The following MAPKAPK5 variants were observed in gnomAD, a reference collection of about 807,000 sequenced individuals.
MAPKAPK5 encodes the protein MAP kinase-activated protein kinase 5.
In MAPKAPK5, 30 loss-of-function variants were observed where a neutral mutation model predicts 65.1. The observed-to-expected ratio is 0.46, with a 90% CI of 0.34 to 0.63. The LOEUF (loss-of-function observed/expected upper bound fraction) is 0.63, where lower values mean the gene tolerates loss of function less well. Ranked by LOEUF, MAPKAPK5 falls within the 20% of genes least tolerant of loss-of-function variation. MAPKAPK5 has a pLI of 0.01. For synonymous variants in MAPKAPK5, 179 were observed against 204.6 expected, an observed-to-expected ratio of 0.87 and a Z score of 1.07; for missense variants, 433 against 581.4, an observed-to-expected ratio of 0.74 and a Z score of 2.63.
rs1294087400 is a variant in MAPKAPK5, at chr12:111,883,466, G to C, written c.661-115G>C. The C allele has an allele frequency of 1.3e-6, 1 of 782,874 alleles. No individual in the cohort carries two copies. Among genetic ancestry groups the C allele is most frequent in the Non-Finnish European group, 2.1e-6 (1 of 480,540 alleles). The allele number at this position is 782,874 out of a possible 1,614,324, so 48.5% of individuals were successfully genotyped here. A position where few individuals can be genotyped will look rare whatever the true frequency, so the allele number is the denominator to read the frequency against. ...TCAGCTTTCCTAGTCTCTGTTAAGTGACTCTAGTTTATATCAGCCTATATA... is the reference window on the plus strand; with the variant it reads ...TCAGCTTTCCTAGTCTCTGTTAAGTCACTCTAGTTTATATCAGCCTATATA... On this transcript the variant is annotated intron_variant, in intron 8 of 13. Coordinates refer to ENST00000550735, the MANE Select transcript of MAPKAPK5 (RefSeq NM_003668.4). This position sits in a 1 kb window ranked among gnomAD's most constrained non-coding sequence, Gnocchi z 4.8.
chr12:111,842,870 G>T, intron 1 of MAPKAPK5, 101 bp downstream of exon 1: 1 of 1,156,494 alleles, frequency 8.6e-7, no homozygotes, highest in South Asian at 4.4e-5. Context: ...AGGTTCCATC[G>T]ACTACCGGGT....
intron 7 of MAPKAPK5, among the ~76,000 whole-genome samples, chr12:111,876,498 G>A (rs912391884): frequency 2.0e-5 from 3 of 151,852 alleles, no homozygotes; most frequent in Non-Finnish European, 4.4e-5. Context: ...ATTTGATTAT[G>A]TATGCATTCT....
rs2070311772 is a variant in MAPKAPK5, at chr12:111,883,670, C to T, written c.750C>T (p.Ile250=). 2 of 1,613,958 alleles carry T rather than the reference C, an allele frequency of 1.2e-6. No individual in the cohort carries two copies. Among genetic ancestry groups the T allele is most frequent in the Non-Finnish European group, 1.7e-6 (2 of 1,179,892 alleles). ...ACTCCAAACACCACAGCCGGACTATCCCAAAGGATATGCGAAGAAAGATCA... is the reference window on the plus strand; with the variant it reads ...ACTCCAAACACCACAGCCGGACTATTCCAAAGGATATGCGAAGAAAGATCA... The part of the protein sequence containing the change: ...PFYSKHHSRT[I]PKDMRRKIMT... The change falls in exon 9 of 14, where the codon ATC becomes ATT. Residue 250 remains isoleucine, a synonymous_variant. Transcript: ENST00000550735. The surrounding 1 kb of genome is among the most constrained non-coding windows in gnomAD (Gnocchi z 4.8).
intron 1 of MAPKAPK5, among the ~76,000 whole-genome samples, chr12:111,850,227 C>A (rs1005759407): frequency 2.0e-5 from 3 of 152,082 alleles, no homozygotes; most frequent in Non-Finnish European, 4.4e-5. Flanking sequence ...CGGGGTTTCA[C>A]CATGTTGGCC....
rs369386552 is a variant in MAPKAPK5, at chr12:111,900,718, G to A, written c.*7657G>A. On this transcript the variant is annotated 3_prime_UTR_variant, in exon 14 of 14. Transcript: ENST00000550735. The stretch of plus-strand genomic sequence containing the variant: ...TGTTGTCATAAGTGTAAATTTCACC[G>A]TAAGGGATATCCTTGCTGTCCTTCT... 25 of 455,974 alleles carry A rather than the reference G, an allele frequency of 5.5e-5. No individual in the cohort carries two copies. Among genetic ancestry groups the A allele is most frequent in the South Asian group, 1.2e-4 (8 of 64,568 alleles). The allele number at this position is 455,974 out of a possible 1,614,324, so 28.2% of individuals were successfully genotyped here. A position where few individuals can be genotyped will look rare whatever the true frequency, so the allele number is the denominator to read the frequency against.
chr12:111,882,776 G>A (rs1566268130), intron 8 of MAPKAPK5: 5 of 984,942 alleles, frequency 5.1e-6, no homozygotes, highest in Non-Finnish European at 4.8e-6. Context: ...TAGACCTTCT[G>A]TTCTTCCCTC....
intron 1 of MAPKAPK5, among the ~76,000 whole-genome samples, chr12:111,850,686 G>A (rs148618571): frequency 1.3e-5 from 2 of 152,266 alleles, no homozygotes; most frequent in African/African-American, 4.8e-5. Flanking sequence ...TGCCACAAAG[G>A]ACATTTATGA....
intron 1 of MAPKAPK5, among the ~76,000 whole-genome samples, chr12:111,858,222 G>C (rs913974348): frequency 2.6e-5 from 4 of 151,914 alleles, no homozygotes; most frequent in Non-Finnish European, 5.9e-5. Context: ...TCAGTGTTTT[G>C]ACTGTGGTAT....
intron 1 of MAPKAPK5, among the ~76,000 whole-genome samples, chr12:111,850,402 T>C (rs1351943452): frequency 1.3e-5 from 2 of 152,166 alleles, no homozygotes; most frequent in Admixed American, 6.5e-5. Flanking sequence ...GGCATAACTA[T>C]AGACTCTAAT....
In MAPKAPK5 at chr12:111,883,378, T is replaced by G. The variant is rs995710442; in HGVS notation, c.661-203T>G. Reference sequence around the variant, plus strand: ...CTGGGCAACAGAGCAAGACTCTGTCTCAAAGAAAAAAAAAGAAAGAAAGAA... The same window carrying G: ...CTGGGCAACAGAGCAAGACTCTGTCGCAAAGAAAAAAAAAGAAAGAAAGAA... On this transcript the variant is annotated intron_variant, in intron 8 of 13. Transcript: ENST00000550735. This position sits in a 1 kb window ranked among gnomAD's most constrained non-coding sequence, Gnocchi z 4.8. Among the ~76,000 whole-genome samples the G allele has an allele frequency of 7.2e-5, 11 of 151,812 alleles. No individual in the cohort carries two copies. The highest frequency in any genetic ancestry group is 2.7e-4 in the African/African-American group (11 of 41,298).
chr12:111,862,367 A>C (rs938406263), intron 1 of MAPKAPK5, among the ~76,000 whole-genome samples: 1 of 152,164 alleles, frequency 6.6e-6, no homozygotes, highest in Non-Finnish European at 1.5e-5. Context: ...TACAAGTTGA[A>C]CTTTCTTGGC....
intron 7 of MAPKAPK5, among the ~76,000 whole-genome samples, chr12:111,872,714 A>G (rs1024396790): frequency 6.6e-6 from 1 of 152,120 alleles, no homozygotes; most frequent in Non-Finnish European, 1.5e-5. Context: ...GGCTGCCTAC[A>G]TTATTTGGCT....
rs896435020 is a variant in MAPKAPK5 at position 111,883,499 on chromosome 12, G to A, written c.661-82G>A. On this transcript the variant is annotated intron_variant, in intron 8 of 13. Coordinates refer to ENST00000550735, the MANE Select transcript of MAPKAPK5 (RefSeq NM_003668.4). The surrounding 1 kb of genome is among the most constrained non-coding windows in gnomAD (Gnocchi z 4.8). ...TTTATATCAGCCTATATATTGCAGG[G>A]GCTATTCCTGAGCCTGTCATGGGGT... 20 of 1,189,406 alleles carry A rather than the reference G, an allele frequency of 1.7e-5. No individual in the cohort carries two copies. The highest frequency in any genetic ancestry group is 2.4e-5 in the Non-Finnish European group (20 of 823,634). The allele number at this position is 1,189,406 out of a possible 1,614,324, so 73.7% of individuals were successfully genotyped here.
chr12:111,878,165 A>G (rs1027403118), intron 7 of MAPKAPK5, among the ~76,000 whole-genome samples: 1 of 152,122 alleles, frequency 6.6e-6, no homozygotes, highest in African/African-American at 2.4e-5. Context: ...CATGAATGCC[A>G]GTTTATCAGA....
At position 111,865,593 on chromosome 12, in the gene MAPKAPK5, T is replaced by C. The variant is rs566478733; in HGVS notation, c.110+270T>C. ...TGGCTCATGCCTGTTATCCCAGAAC[T>C]TTGGGAGGCTGAGGCAGGCGGATCA... On this transcript the variant is annotated intron_variant, in intron 2 of 13. Coordinates refer to ENST00000550735, the MANE Select transcript of MAPKAPK5 (RefSeq NM_003668.4). Among the ~76,000 whole-genome samples the C allele has an allele frequency of 4.6e-5, 7 of 152,070 alleles. No individual in the cohort carries two copies. The South Asian group carries it at 1.5e-3, about 32-fold the overall frequency.
At chr12:111,851,769 T>C (rs2069090897) in intron 1 of MAPKAPK5, among the ~76,000 whole-genome samples, 1 of 152,192 alleles carries the variant, frequency 6.6e-6, no homozygotes, top group African/African-American at 2.4e-5. Flanking sequence ...GTGGAAGCCA[T>C]CAGGCCTGAA....
chr12:111,851,481 A>G (rs904084294), intron 1 of MAPKAPK5, among the ~76,000 whole-genome samples: 2 of 151,864 alleles, frequency 1.3e-5, no homozygotes, highest in Non-Finnish European at 2.9e-5. Context: ...ATGCTCCACA[A>G]TGCCTGGCTA....
chr12:111,850,384 A>G (rs2069040317), intron 1 of MAPKAPK5, among the ~76,000 whole-genome samples: 1 of 152,204 alleles, frequency 6.6e-6, no homozygotes, highest in Admixed American at 6.5e-5. Flanking sequence ...CGAGAGTGCT[A>G]TAAGAAAGGC....
At chr12:111,869,980 C>G (rs886330645) in intron 5 of MAPKAPK5, among the ~76,000 whole-genome samples, 6 of 152,154 alleles carry the variant, frequency 3.9e-5, no homozygotes, top group African/African-American at 1.4e-4. Flanking sequence ...AAAGTGGGAG[C>G]ATTTCATTTT....
Sources: gnomAD v4.1 joint callset for allele counts (sites outside exome capture counted in the v4.1 genomes callset) on GRCh38, gnomAD v4.1.1 for gene constraint, Gnocchi (gnomAD v3.1) non-coding constraint, MANE v1.5 for transcripts, NCBI Gene and HGNC (gene_info 2026-07-23, HGNC 2026-07-21) for gene names.